Variants in WAC observed in about 807,000 individuals in gnomAD.
WAC encodes WW domain-containing adapter protein with coiled-coil.
In WAC, 11 loss-of-function variants were observed where a neutral mutation model predicts 79.6. That is an observed-to-expected ratio of 0.14 (90% CI 0.09 to 0.23). The LOEUF is 0.23. Ranked by LOEUF, WAC falls within the 10% of genes least tolerant of loss-of-function variation. The probability of loss-of-function intolerance (pLI) is 1.00; values close to 1 mark genes in which losing one functional copy is unlikely to be tolerated. For synonymous variants in WAC, 304 were observed against 276.9 expected, an observed-to-expected ratio of 1.10 and a Z score of -0.97; for missense variants, 728 against 773.5, an observed-to-expected ratio of 0.94 and a Z score of 0.70.
rs201074071 is a variant in WAC, at chr10:28,535,579, G to A, written c.96G>A (p.Ser32=). ...TTTTACAGGCACTTAAGTATTCATC[G>A]AAGAGTCACCCCAGTAGCGGTGATC... The part of the protein sequence containing the change: ...SQPYQALKYS[S]KSHPSSGDHR... The change falls in exon 3 of 14, where the codon TCG becomes TCA. Residue 32 remains serine, a synonymous_variant. Transcript: ENST00000354911. 163 of 1,609,400 alleles carry A rather than the reference G, an allele frequency of 1.0e-4. No homozygotes were observed. The highest frequency in any genetic ancestry group is 1.3e-4 in the Non-Finnish European group (151 of 1,177,816).
chr10:28,561,358 T>G (rs1838291400), intron 3 of WAC, among the ~76,000 whole-genome samples: 1 of 152,162 alleles, frequency 6.6e-6, no homozygotes, highest in Non-Finnish European at 1.5e-5. Flanking sequence ...CTCTAACCCT[T>G]CTCTTCCCAG....
At chr10:28,541,915 T>TGGA in intron 3 of WAC, among the ~76,000 whole-genome samples, 1 of 152,182 alleles carries the variant, frequency 6.6e-6, no homozygotes, top group Non-Finnish European at 1.5e-5. Context: ...CCCCACACAG[T>TGGA]AGCCAGAGTG....
intron 2 of WAC, among the ~76,000 whole-genome samples, chr10:28,535,024 A>G (rs990579121): frequency 2.0e-5 from 3 of 151,980 alleles, no homozygotes; most frequent in African/African-American, 7.3e-5. Context: ...TAGTATTTTT[A>G]TACCTTAAAA....
intron 3 of WAC, among the ~76,000 whole-genome samples, chr10:28,557,359 A>G (rs1216718307): frequency 6.6e-6 from 1 of 152,256 alleles, no homozygotes; most frequent in Non-Finnish European, 1.5e-5. Context: ...TATAAAGGAT[A>G]TGAGATTTTC....
chr10:28,557,015 A>C (rs1380693332), intron 3 of WAC, among the ~76,000 whole-genome samples: 1 of 151,804 alleles, frequency 6.6e-6, no homozygotes, highest in Non-Finnish European at 1.5e-5. Context: ...GTTCTTTCTC[A>C]AAATGCTTAG....
At chr10:28,555,654 C>T (rs1285405570) in intron 3 of WAC, among the ~76,000 whole-genome samples, 3 of 152,048 alleles carry the variant, frequency 2.0e-5, no homozygotes, top group African/African-American at 7.2e-5. Context: ...GAGTGCGTTC[C>T]CTAAATTTTT....
intron 3 of WAC, among the ~76,000 whole-genome samples, chr10:28,583,007 AAC>A (rs1429426620): frequency 6.6e-6 from 1 of 152,196 alleles, no homozygotes; most frequent in Non-Finnish European, 1.5e-5. Flanking sequence ...ACATACTGAT[AAC>A]AGTGACTTTT....
intron 7 of WAC, among the ~76,000 whole-genome samples, chr10:28,596,572 A>G (rs1840381046): frequency 6.6e-6 from 1 of 152,218 alleles, no homozygotes; most frequent in Non-Finnish European, 1.5e-5. Context: ...AATTGCGTTT[A>G]TCCAACTCAG....
intron 3 of WAC, among the ~76,000 whole-genome samples, chr10:28,554,658 C>T (rs1162313638): frequency 6.6e-6 from 1 of 152,184 alleles, no homozygotes; most frequent in East Asian, 1.9e-4. Context: ...GTCAGAATCA[C>T]CTTTTAAGAA....
chr10:28,551,101 AGGG>A (rs1564379578), intron 3 of WAC, among the ~76,000 whole-genome samples: 1 of 152,096 alleles, frequency 6.6e-6, no homozygotes, highest in Non-Finnish European at 1.5e-5. Flanking sequence ...GTAGAATAAT[AGGG>A]GGGATATTTT....
intron 3 of WAC, among the ~76,000 whole-genome samples, chr10:28,552,421 C>T (rs1371076332): frequency 2.0e-5 from 3 of 152,168 alleles, no homozygotes; most frequent in African/African-American, 7.2e-5. Context: ...TACTACTCCT[C>T]TTTCTATTGT....
intron 4 of WAC, 197 bp from the exon 5 acceptor site, chr10:28,589,539 A>G (rs1238203274): frequency 3.2e-6 from 1 of 312,526 alleles, no homozygotes; most frequent in East Asian, 5.1e-5. Context: ...CTTAATTTTG[A>G]TATTTTATAA....
rs377216139 is a variant in WAC at position 28,614,516 on chromosome 10, A to G, written c.1438-51A>G. The G allele has an allele frequency of 8.0e-6, 11 of 1,372,010 alleles. No homozygotes were observed. The African/African-American group carries it at 1.6e-4, about 20-fold the overall frequency. The allele number at this position is 1,372,010 out of a possible 1,614,324, so 85.0% of individuals were successfully genotyped here. A position where few individuals can be genotyped will look rare whatever the true frequency, so the allele number is the denominator to read the frequency against. The stretch of plus-strand genomic sequence containing the variant: ...AGACGATTACCTAGATTTTGGGGGG[A>G]GAGATGTGGATTAGATTTGGAGACC... On this transcript the variant is annotated intron_variant, in intron 10 of 13. Transcript: ENST00000354911.
At chr10:28,562,483 T>C (rs992423451) in intron 3 of WAC, among the ~76,000 whole-genome samples, 1 of 152,204 alleles carries the variant, frequency 6.6e-6, no homozygotes, top group Non-Finnish European at 1.5e-5. Context: ...GATATAGTGA[T>C]TGATCTGGTA....
At chr10:28,536,612 T>C (rs772114641) in intron 3 of WAC, among the ~76,000 whole-genome samples, 34 of 152,226 alleles carry the variant, frequency 2.2e-4, no homozygotes, top group Non-Finnish European at 4.6e-4. Flanking sequence ...CCTGGTTCAT[T>C]GAAATATTCT....
chr10:28,534,490 C>T (rs1422648115), intron 2 of WAC: 1 of 157,050 alleles, frequency 6.4e-6, no homozygotes, highest in Admixed American at 6.5e-5. Flanking sequence ...CTACCCTTTC[C>T]CCTTTTAATA....
At position 28,621,428 on chromosome 10, in the gene WAC, T is replaced by C. The variant is rs1015918669; in HGVS notation, c.*1822T>C. On this transcript the variant is annotated 3_prime_UTR_variant, in exon 14 of 14. Coordinates refer to ENST00000354911, the MANE Select transcript of WAC (RefSeq NM_016628.5). ...TTCAGTAAGCTCAAAAAGTTAACTG[T>C]AAGCGATAGTGTTGGTGTTTTCTAA... is the stretch of plus-strand genomic sequence containing the variant. The C allele has an allele frequency of 5.9e-5, 9 of 152,170 alleles. No individual in the cohort carries two copies. Among genetic ancestry groups the C allele is most frequent in the Admixed American group, 2.6e-4 (4 of 15,286 alleles). 9.4% of individuals were successfully genotyped at this position (152,170 alleles called of 1,614,324 possible).
chr10:28,548,181 C>T (rs1393359636), intron 3 of WAC, among the ~76,000 whole-genome samples: 1 of 152,070 alleles, frequency 6.6e-6, no homozygotes, highest in Non-Finnish European at 1.5e-5. Context: ...CCTCTGCCTC[C>T]CAAAGTGCTG....
rs928014105 is a variant in WAC, at chr10:28,552,970, C to T, written c.274+17213C>T. Among the ~76,000 whole-genome samples the T allele has an allele frequency of 2.0e-5, 3 of 147,588 alleles. No homozygotes were observed. The East Asian group carries it at 6.2e-4, about 31-fold the overall frequency. On this transcript the variant is annotated intron_variant, in intron 3 of 13. Transcript: ENST00000354911. The stretch of plus-strand genomic sequence containing the variant: ...ACAGGAGAGCCTTTCGATTTTTGTA[C>T]TTTAATTTCTGCTTTCAAATATTTG...
Sources: allele counts gnomAD v4.1 joint callset (sites outside exome capture counted in the v4.1 genomes callset), GRCh38; gene constraint gnomAD v4.1.1; transcripts MANE v1.5; gene names NCBI Gene and HGNC (gene_info 2026-07-23, HGNC 2026-07-21).